The following ENTPD7 variants were observed in gnomAD, a reference collection of about 807,000 sequenced individuals.
ENTPD7 encodes the protein NTPDase 7.
ENTPD7 carries 53 observed loss-of-function variants against 77.9 expected under a neutral mutation model. That is an observed-to-expected ratio of 0.68 (90% CI 0.55 to 0.85). The LOEUF is 0.85. Among genes scored for constraint, ENTPD7 ranks in the 40% least tolerant of loss-of-function variants. ENTPD7 has a pLI of 0.00. For synonymous variants in ENTPD7, 248 were observed against 274.9 expected, an observed-to-expected ratio of 0.90 and a Z score of 0.97; for missense variants, 636 against 743.7, an observed-to-expected ratio of 0.86 and a Z score of 1.68.
At chr10:99,670,929 G>A (rs1002470500) in intron 3 of ENTPD7, among the ~76,000 whole-genome samples, 2 of 152,084 alleles carry the variant, frequency 1.3e-5, no homozygotes, top group Admixed American at 6.6e-5. Context: ...GAGGCGGGAG[G>A]ATCACTTGAG....
chr10:99,680,575 C>T (rs2035739898), intron 5 of ENTPD7, among the ~76,000 whole-genome samples: 1 of 151,854 alleles, frequency 6.6e-6, no homozygotes, highest in Non-Finnish European at 1.5e-5. Flanking sequence ...ATGAGAGCTA[C>T]CCTCTAACCA....
rs1564638988 is a variant in ENTPD7, at chr10:99,705,997, CAT to C, written c.*1315_*1316del. The C allele has an allele frequency of 6.6e-6, 1 of 152,208 alleles. No homozygotes were observed. The highest frequency in any genetic ancestry group is 1.5e-5 in the Non-Finnish European group (1 of 68,038). 9.4% of individuals were successfully genotyped at this position (152,208 alleles called of 1,614,324 possible). ...CTTTCTTATATTTTACCCTTTCCTA[CAT>C]GTAGCCTTGAATGTCCTTTCCACGA... On this transcript the variant is annotated 3_prime_UTR_variant, in exon 13 of 13. Coordinates refer to ENST00000370489, the MANE Select transcript of ENTPD7 (RefSeq NM_020354.5).
Position 99,659,923 on chromosome 10 carries a change from A to C in ENTPD7, c.-34A>C. On this transcript the variant is annotated 5_prime_UTR_variant, in exon 2 of 13. Transcript: ENST00000370489. This position sits in a 1 kb window ranked among gnomAD's most constrained non-coding sequence, Gnocchi z 4.1. ...ACCTTCTCAGGGCAAAAGAAAAAGA[A>C]GGTGACAGGCGTTGAGACCACCGAA... 6.2e-7 allele frequency: 1 copy of C among 1,613,878 alleles called. No homozygotes were observed. Among genetic ancestry groups the C allele is most frequent in the Non-Finnish European group, 8.5e-7 (1 of 1,179,924 alleles).
chr10:99,704,037 T>G (rs1262602218), intron 12 of ENTPD7, among the ~76,000 whole-genome samples: 1 of 152,206 alleles, frequency 6.6e-6, no homozygotes, highest in Non-Finnish European at 1.5e-5. Context: ...CATAGCAACT[T>G]TAAAAAAAGG....
At chr10:99,703,965 A>G (rs568267644) in intron 12 of ENTPD7, among the ~76,000 whole-genome samples, 19 of 152,220 alleles carry the variant, frequency 1.2e-4, no homozygotes, top group South Asian at 1.2e-3. Flanking sequence ...GCTTCAAGCA[A>G]TTCTCCTGGC....
chr10:99,663,102 T>TCTG (rs2035506263), intron 3 of ENTPD7, among the ~76,000 whole-genome samples: 1 of 152,164 alleles, frequency 6.6e-6, no homozygotes, highest in South Asian at 2.1e-4. Context: ...CATATTTCCA[T>TCTG]ATTTGCTTTT....
At chr10:99,673,437 A>G (rs2035639844) in intron 3 of ENTPD7, among the ~76,000 whole-genome samples, 2 of 152,236 alleles carry the variant, frequency 1.3e-5, no homozygotes, top group African/African-American at 2.4e-5. Flanking sequence ...AAACCTGATT[A>G]GGTCATAAGA....
chr10:99,670,923 C>T (rs1051198570), intron 3 of ENTPD7, among the ~76,000 whole-genome samples: 16 of 151,814 alleles, frequency 1.1e-4, no homozygotes, highest in Non-Finnish European at 1.5e-4. Context: ...GTGGCGGAGG[C>T]GGGAGGATCA....
intron 2 of ENTPD7, among the ~76,000 whole-genome samples, chr10:99,660,711 G>C (rs1564625310): frequency 6.6e-6 from 1 of 152,180 alleles, no homozygotes; most frequent in Non-Finnish European, 1.5e-5. Flanking sequence ...GATCACCTGA[G>C]GTCAGGAGTT....
chr10:99,698,599 G>C lies in ENTPD7; in HGVS notation c.1076G>C (p.Gly359Ala). 6.2e-7 allele frequency: 1 copy of C among 1,614,182 alleles called. No individual in the cohort carries two copies. Among genetic ancestry groups the C allele is most frequent in the Non-Finnish European group, 8.5e-7 (1 of 1,180,034 alleles). Residue 359 changes from glycine (G) to alanine (A), a missense_variant, in exon 10 of 13, where the codon GGA (glycine) becomes GCA (alanine). Coordinates refer to ENST00000370489, the MANE Select transcript of ENTPD7 (RefSeq NM_020354.5). ...NPFLDPCLPV[G>A]LTDVVERNSQ... is the part of the protein sequence containing the mutation. ...TTTCTGGATCCCTGCCTGCCAGTGGGACTCACAGATGTGGTGGAGAGGAAC... is the reference window on the plus strand; with the variant it reads ...TTTCTGGATCCCTGCCTGCCAGTGGCACTCACAGATGTGGTGGAGAGGAAC...
chr10:99,699,053 C>G (rs986695592), intron 10 of ENTPD7, among the ~76,000 whole-genome samples, 195 bp downstream of exon 10: 1 of 152,146 alleles, frequency 6.6e-6, no homozygotes, highest in Non-Finnish European at 1.5e-5. Context: ...GTACTGCCTT[C>G]TAATTAACTA....
rs1030813267 is a variant in ENTPD7 at position 99,685,710 on chromosome 10, G to C, written c.549-82G>C. On this transcript the variant is annotated intron_variant, in intron 5 of 12. Transcript: ENST00000370489. ...AGGTGAACAGTGAGGTCATGACAAGGCTAAGTAGAAGGACAAGTTGAGGCA... is the reference window on the plus strand; with the variant it reads ...AGGTGAACAGTGAGGTCATGACAAGCCTAAGTAGAAGGACAAGTTGAGGCA... The C allele has an allele frequency of 9.4e-6, 9 of 962,014 alleles. No homozygotes were observed. In the African/African-American group the frequency reaches 1.4e-4, roughly 15 times the overall value. 59.6% of individuals were successfully genotyped at this position (962,014 alleles called of 1,614,324 possible). A position where few individuals can be genotyped will look rare whatever the true frequency, so the allele number is the denominator to read the frequency against.
intron 5 of ENTPD7, among the ~76,000 whole-genome samples, chr10:99,684,172 C>T (rs1436461868): frequency 6.6e-6 from 1 of 152,190 alleles, no homozygotes; most frequent in Non-Finnish European, 1.5e-5. Context: ...TCTCCTGCCT[C>T]AGCCTCCCGA....
intron 3 of ENTPD7, 152 bp downstream of exon 3, chr10:99,661,780 T>C (rs1373142433): frequency 5.6e-6 from 4 of 718,260 alleles, no homozygotes; most frequent in Non-Finnish European, 8.6e-6. Flanking sequence ...AAGCCCTATT[T>C]TGGCAATATG....
rs2036356242 is a variant in ENTPD7 at position 99,710,764 on chromosome 10, C to T, written c.*6081C>T. 1.0e-6 allele frequency: 1 copy of T among 985,376 alleles called. No individual in the cohort carries two copies. Among genetic ancestry groups the T allele is most frequent in the Non-Finnish European group, 1.2e-6 (1 of 829,892 alleles). 61.0% of individuals were successfully genotyped at this position (985,376 alleles called of 1,614,324 possible). A position where few individuals can be genotyped will look rare whatever the true frequency, so the allele number is the denominator to read the frequency against. ...TAAAATCATGATTATCAGTGTTGAT[C>T]TCTGCAACCAACATTGCTTTAGGGA... On this transcript the variant is annotated 3_prime_UTR_variant, in exon 13 of 13. Coordinates refer to ENST00000370489, the MANE Select transcript of ENTPD7 (RefSeq NM_020354.5).
rs2133521579 is a variant in ENTPD7 at position 99,702,416 on chromosome 10, T to G, written c.1422-96T>G. ...AGGTGAAGCGGGAGGAGGTAGGTCT[T>G]TTAATAACTTGTGGGAATACGGAGT... On this transcript the variant is annotated intron_variant, in intron 11 of 12. Transcript: ENST00000370489. 5 of 1,113,570 alleles carry G rather than the reference T, an allele frequency of 4.5e-6. 1 individual carries two copies. The highest frequency in any genetic ancestry group is 6.1e-6 in the Non-Finnish European group (5 of 813,618). 69.0% of individuals were successfully genotyped at this position (1,113,570 alleles called of 1,614,324 possible).
At chr10:99,703,707 T>TAG (rs1222282894) in intron 12 of ENTPD7, among the ~76,000 whole-genome samples, 3 of 152,122 alleles carry the variant, frequency 2.0e-5, no homozygotes, top group Non-Finnish European at 4.4e-5. Context: ...TAAGGAAACA[T>TAG]AGTACCTTTA....
At chr10:99,668,352 G>C (rs1237381178) in intron 3 of ENTPD7, among the ~76,000 whole-genome samples, 1 of 152,170 alleles carries the variant, frequency 6.6e-6, no homozygotes, top group Non-Finnish European at 1.5e-5. Flanking sequence ...TATACCACCT[G>C]GGTTGAGAAA....
At chr10:99,668,060 G>A (rs971835770) in intron 3 of ENTPD7, among the ~76,000 whole-genome samples, 18 of 145,490 alleles carry the variant, frequency 1.2e-4, no homozygotes, top group Admixed American at 2.2e-4. Context: ...TTAGCCTCCC[G>A]AGTAGCTGGG....
Sources: gnomAD v4.1 joint callset for allele counts (sites outside exome capture counted in the v4.1 genomes callset) on GRCh38, gnomAD v4.1.1 for gene constraint, Gnocchi (gnomAD v3.1) non-coding constraint, MANE v1.5 for transcripts, NCBI Gene and HGNC (gene_info 2026-07-23, HGNC 2026-07-21) for gene names.